The following LAMA1 variants were observed in gnomAD, a reference collection of about 807,000 sequenced individuals.
LAMA1 encodes the protein laminin subunit alpha 1.
A neutral mutation model predicts 348.7 loss-of-function variants in LAMA1; 219 were observed. The ratio of observed to expected loss-of-function variants is 0.63; its 90% confidence interval spans 0.56 to 0.70. The LOEUF is 0.70. Among genes scored for constraint, LAMA1 ranks in the 30% least tolerant of loss-of-function variants. The pLI, the probability that LAMA1 is intolerant of heterozygous loss-of-function variation, is 0.00. For missense variants in LAMA1, 3,744 were observed against 3,888.0 expected (o/e 0.96, Z 0.99); for synonymous variants, 1,487 against 1,491.0 (o/e 1.00, Z 0.06).
At position 6,995,376 on chromosome 18, in the gene LAMA1, G is replaced by A. The variant is rs201454996; in HGVS notation, c.4877C>T (p.Thr1626Met). 187 of 1,613,102 alleles carry A rather than the reference G, an allele frequency of 1.2e-4. 1 individual carries two copies. Among genetic ancestry groups the A allele is most frequent in the East Asian group, 4.0e-4 (18 of 44,884 alleles). ...KIKLEGVAEE[T>M]DNLQKKLTRM... The stretch of plus-strand genomic sequence containing the variant: ...ATTTACCTTCTTTTGCAGGTTGTCC[G>A]TTTCTTCTGCAACACCTTCAAGCTT... Residue 1626 changes from threonine to methionine, a missense_variant, in exon 34 of 63, where the codon ACG becomes ATG. Thr to Met is a moderately conservative substitution (Grantham distance 81). Around this residue, in one of 3 missense-constraint regions of LAMA1, gnomAD observed 1,983 missense variants for 1,934.3 expected, o/e 1.03. Transcript: ENST00000389658.
At chr18:7,070,956 C>T (rs1391951942) in intron 3 of LAMA1, among the ~76,000 whole-genome samples, 2 of 149,924 alleles carry the variant, frequency 1.3e-5, no homozygotes, top group East Asian at 3.9e-4. Flanking sequence ...TCAGCCACTG[C>T]AAAAGCATGA....
At chr18:7,050,392 C>G (rs1282433668) in intron 4 of LAMA1, among the ~76,000 whole-genome samples, 2 of 152,176 alleles carry the variant, frequency 1.3e-5, no homozygotes, top group African/African-American at 4.8e-5. Context: ...CATTTTAGCT[C>G]TCTAATATTT....
chr18:7,037,444 A>C (rs369468235), intron 12 of LAMA1, 134 bp downstream of exon 12: 30 of 947,600 alleles, frequency 3.2e-5, no homozygotes, highest in African/African-American at 2.3e-4. Context: ...ATCAGATGCA[A>C]GTACAGGCTA....
chr18:7,064,417 G>A (rs547680032), intron 3 of LAMA1, among the ~76,000 whole-genome samples: 9 of 152,142 alleles, frequency 5.9e-5, no homozygotes, highest in Non-Finnish European at 8.8e-5. Flanking sequence ...AGTCAGTGGA[G>A]GTCAAGCAAA....
chr18:7,057,768 C>T (rs550021746), intron 3 of LAMA1, among the ~76,000 whole-genome samples: 38 of 151,086 alleles, frequency 2.5e-4, no homozygotes, highest in African/African-American at 8.7e-4. Flanking sequence ...TGTGAACCAC[C>T]GCATCCAGCC....
chr18:7,024,340 T>A (rs1172398992), intron 18 of LAMA1, 40 bp downstream of exon 18: 2 of 1,509,598 alleles, frequency 1.3e-6, no homozygotes, highest in African/African-American at 2.8e-5. Context: ...AATTTATATT[T>A]AATTTCGAAA....
chr18:6,997,628 G>T, intron 33 of LAMA1, 114 bp downstream of exon 33: 1 of 1,131,472 alleles, frequency 8.8e-7, no homozygotes. Flanking sequence ...GGGGCTGATG[G>T]AAGTTGGGCT....
At chr18:6,952,265 G>C (rs1286816700) in intron 57 of LAMA1, among the ~76,000 whole-genome samples, 2 of 152,214 alleles carry the variant, frequency 1.3e-5, no homozygotes, top group Non-Finnish European at 2.9e-5. Context: ...TCCAGGGGCT[G>C]CTGAGAGCCC....
chr18:6,966,333 C>T (rs1306008852), intron 48 of LAMA1, 36 bp from the exon 49 acceptor site: 2 of 1,599,444 alleles, frequency 1.3e-6, no homozygotes, highest in South Asian at 2.3e-5. Context: ...AATCCATTCT[C>T]AGGAGGGTAG....
intron 16 of LAMA1, 34 bp downstream of exon 16, chr18:7,032,032 G>C: frequency 6.5e-7 from 1 of 1,545,628 alleles, no homozygotes; most frequent in Non-Finnish European, 8.9e-7. Context: ...GAATTGAGGA[G>C]GAGAGGGCAC....
chr18:6,991,234 T>G (rs2057756948), intron 36 of LAMA1, among the ~76,000 whole-genome samples: 1 of 151,880 alleles, frequency 6.6e-6, no homozygotes, highest in African/African-American at 2.4e-5. Context: ...AAAATTATGC[T>G]CTATGATGAA....
At chr18:6,965,800 G>A in intron 49 of LAMA1, 1 of 396,396 alleles carries the variant, frequency 2.5e-6, no homozygotes, top group Non-Finnish European at 4.6e-6. Context: ...TCCCATGGAT[G>A]GAATTCAAAC....
At chr18:7,064,621 C>T (rs1394473335) in intron 3 of LAMA1, among the ~76,000 whole-genome samples, 2 of 152,134 alleles carry the variant, frequency 1.3e-5, no homozygotes, top group Non-Finnish European at 2.9e-5. Context: ...ACAGCAAGTT[C>T]GGGCAGCCCC....
At position 7,107,743 on chromosome 18, in the gene LAMA1, A is replaced by G. The variant is rs189364905; in HGVS notation, c.61+9917T>C. Among the ~76,000 whole-genome samples, 455 of 152,206 alleles carry G rather than the reference A, an allele frequency of 3.0e-3. 4 individuals carry two copies. The highest frequency in any genetic ancestry group is 0.011 in the African/African-American group (437 of 41,548). On this transcript the variant is annotated intron_variant, in intron 1 of 62. Coordinates refer to ENST00000389658, the MANE Select transcript of LAMA1 (RefSeq NM_005559.4). ...GGTGTTAACTCTAAAATACTTTCTC[A>G]GTGGCTCACACCTGTAATCCCAGCA...
intron 3 of LAMA1, among the ~76,000 whole-genome samples, chr18:7,068,145 G>A (rs1300863554): frequency 6.6e-6 from 1 of 152,140 alleles, no homozygotes; most frequent in African/African-American, 2.4e-5. Context: ...GAGCCACCGC[G>A]CCCGGCCTGC....
At chr18:7,001,506 T>G (rs1162821303) in intron 30 of LAMA1, among the ~76,000 whole-genome samples, 2 of 152,144 alleles carry the variant, frequency 1.3e-5, no homozygotes, top group African/African-American at 4.8e-5. Flanking sequence ...GCAAGGGAAG[T>G]GTACATAGTG....
chr18:6,986,055 G>T, intron 37 of LAMA1, 82 bp downstream of exon 37: 2 of 1,508,090 alleles, frequency 1.3e-6, no homozygotes, highest in Non-Finnish European at 1.8e-6. Context: ...ACCCAGCCAG[G>T]CCAGGGCTCA....
chr18:6,986,243 T>A lies in LAMA1; in HGVS notation c.5273A>T (p.Asn1758Ile). 1 of 1,614,244 alleles carries A rather than the reference T, an allele frequency of 6.2e-7. No individual in the cohort carries two copies. The highest frequency in any genetic ancestry group is 8.5e-7 in the Non-Finnish European group (1 of 1,180,052). Reference protein sequence around the residue: ...EAASHVLSKHNNELKAAEALV... With the variant: ...EAASHVLSKHINELKAAEALV... ...CGCCTCAGCCGCCTTTAGTTCATTG[T>A]TGTGCTTTGAAAGGACGTGGCTTGC... The change falls in exon 37 of 63, where the codon AAC becomes ATC. Residue 1758 changes from asparagine (N) to isoleucine (I), a missense_variant. Physicochemically the swap from Asn to Ile is moderately radical, Grantham distance 149 (BLOSUM62 -3). Transcript: ENST00000389658.
chr18:7,012,268 T>G, intron 23 of LAMA1, 130 bp from the exon 24 acceptor site: 1 of 986,310 alleles, frequency 1.0e-6, no homozygotes, highest in Non-Finnish European at 1.5e-6. Flanking sequence ...TAGTTTCCTC[T>G]AGCCAGGCCC....
Sources: gnomAD v4.1 joint callset for allele counts (sites outside exome capture counted in the v4.1 genomes callset) on GRCh38, gnomAD v4.1.1 for gene constraint, gnomAD v4.1.1 regional missense constraint, MANE v1.5 for transcripts, NCBI Gene and HGNC (gene_info 2026-07-23, HGNC 2026-07-21) for gene names.